TDRD3: variants seen among roughly 807,000 people sequenced by gnomAD.
The protein encoded by TDRD3 is tudor domain containing 3, also known as tudor domain-containing protein 3.
Under a neutral mutation model 86.7 loss-of-function variants are expected in TDRD3, and 45 were observed. The observed-to-expected ratio is 0.52, with a 90% CI of 0.41 to 0.67. The LOEUF is 0.67. Among genes scored for constraint, TDRD3 ranks in the 30% least tolerant of loss-of-function variants. The pLI is 0.00. For synonymous variants in TDRD3, 298 were observed against 301.7 expected (o/e 0.99, Z 0.13); for missense variants, 814 against 889.0 (o/e 0.92, Z 1.07).
At chr13:60,563,937 C>T (rs1363537803) in intron 12 of TDRD3, among the ~76,000 whole-genome samples, 1 of 152,194 alleles carries the variant, frequency 6.6e-6, no homozygotes, top group East Asian at 1.9e-4. Flanking sequence ...TTGTCAAACG[C>T]ACATTATAGA....
chr13:60,423,774 T>C (rs1954723459), intron 1 of TDRD3, among the ~76,000 whole-genome samples: 1 of 152,144 alleles, frequency 6.6e-6, no homozygotes, highest in Admixed American at 6.5e-5. Context: ...TATATCATAA[T>C]TTATGTGGTA....
intron 3 of TDRD3, among the ~76,000 whole-genome samples, chr13:60,450,142 G>A (rs1955502469): frequency 6.6e-6 from 1 of 152,062 alleles, no homozygotes; most frequent in Admixed American, 6.6e-5. Flanking sequence ...TTAGAGATAA[G>A]AGAATTGCAC....
At chr13:60,506,756 CA>C (rs1026321721) in intron 8 of TDRD3, among the ~76,000 whole-genome samples, 3 of 151,202 alleles carry the variant, frequency 2.0e-5, no homozygotes, top group African/African-American at 7.3e-5. Context: ...AACAAACAAA[CA>C]AAAAAAAGAA....
At chr13:60,512,463 A>G (rs948817207) in intron 10 of TDRD3, among the ~76,000 whole-genome samples, 4 of 152,204 alleles carry the variant, frequency 2.6e-5, no homozygotes, top group Non-Finnish European at 5.9e-5. Flanking sequence ...AACTCATTTC[A>G]GCATTAACTT....
intron 1 of TDRD3, among the ~76,000 whole-genome samples, chr13:60,414,613 T>C (rs1432008465): frequency 6.6e-6 from 1 of 152,134 alleles, no homozygotes; most frequent in East Asian, 1.9e-4. Context: ...CCACAATCCT[T>C]GTTCTTATCC....
chr13:60,569,374 A>G (rs1958532982), intron 13 of TDRD3, among the ~76,000 whole-genome samples: 1 of 152,184 alleles, frequency 6.6e-6, no homozygotes. Context: ...AAGAAGTGAA[A>G]GATCTCTACA....
At chr13:60,529,962 T>G (rs1957541492) in intron 11 of TDRD3, among the ~76,000 whole-genome samples, 1 of 151,976 alleles carries the variant, frequency 6.6e-6, no homozygotes, top group African/African-American at 2.4e-5. Context: ...ACTTTGCACA[T>G]TTTTTTCCTT....
chr13:60,570,832 T>C (rs894343216), intron 13 of TDRD3, among the ~76,000 whole-genome samples: 5 of 152,190 alleles, frequency 3.3e-5, no homozygotes, highest in Non-Finnish European at 7.3e-5. Context: ...TCATATATTT[T>C]ATATACTAGG....
intron 7 of TDRD3, among the ~76,000 whole-genome samples, chr13:60,493,353 T>C (rs1956640521): frequency 6.6e-6 from 1 of 152,166 alleles, no homozygotes; most frequent in Non-Finnish European, 1.5e-5. Flanking sequence ...CTTCTTTTAT[T>C]ATATCCATGA....
chr13:60,563,453 A>T (rs1233568894), intron 12 of TDRD3, among the ~76,000 whole-genome samples: 5 of 152,128 alleles, frequency 3.3e-5, no homozygotes, highest in Non-Finnish European at 5.9e-5. Context: ...GGCTGCTCTG[A>T]TACTTAGGAG....
chr13:60,494,122 A>C (rs1956662405), intron 7 of TDRD3, among the ~76,000 whole-genome samples: 1 of 152,170 alleles, frequency 6.6e-6, no homozygotes, highest in African/African-American at 2.4e-5. Context: ...TTACCCTAAA[A>C]TCATTTTAAC....
chr13:60,401,556 G>A (rs1221456354), intron 1 of TDRD3, among the ~76,000 whole-genome samples: 1 of 152,154 alleles, frequency 6.6e-6, no homozygotes, highest in East Asian at 1.9e-4. Flanking sequence ...AGTAGTTTGA[G>A]TTGAAGACCC....
At chr13:60,565,355 G>A (rs1239439329) in intron 12 of TDRD3, among the ~76,000 whole-genome samples, 2 of 151,900 alleles carry the variant, frequency 1.3e-5, no homozygotes, top group Non-Finnish European at 2.9e-5. Context: ...GCGCCCGGCC[G>A]TCAGTATCTT....
intron 8 of TDRD3, among the ~76,000 whole-genome samples, chr13:60,496,287 C>CTATATA (rs1956711014): frequency 1.7e-5 from 1 of 57,498 alleles, no homozygotes; most frequent in Non-Finnish European, 3.1e-5. Context: ...TAACAAACTC[C>CTATATA]CATATATATA....
At chr13:60,562,164 T>C (rs1252446918) in intron 12 of TDRD3, among the ~76,000 whole-genome samples, 1 of 151,740 alleles carries the variant, frequency 6.6e-6, no homozygotes, top group Non-Finnish European at 1.5e-5. Flanking sequence ...TATAAAAAAA[T>C]TATCTGGGTT....
rs753733579 is a variant in TDRD3 at position 60,485,797 on chromosome 13, A to G, written c.568-2A>G. 2 of 1,581,660 alleles carry G rather than the reference A, an allele frequency of 1.3e-6. No individual in the cohort carries two copies. Among genetic ancestry groups the G allele is most frequent in the South Asian group, 2.4e-5 (2 of 84,598 alleles). On this transcript the variant is annotated splice_acceptor_variant, in intron 6 of 13. Coordinates refer to ENST00000377881, the MANE Select transcript of TDRD3 (RefSeq NM_001146070.2). LOFTEE classifies it high-confidence loss of function. ...TTGACTTATTCTTACTTGTTTTACT[A>G]GAAGTGTGTATCTCATGTCCAAGTG... is the stretch of plus-strand genomic sequence containing the variant.
At chr13:60,462,461 C>G (rs74078472) in intron 4 of TDRD3, among the ~76,000 whole-genome samples, 2,689 of 152,246 alleles carry the variant, frequency 0.018, 79 homozygotes, top group African/African-American at 0.062. Context: ...GTAAAAATGG[C>G]AGCTGACAAA....
At chr13:60,538,595 A>T (rs1333236874) in intron 12 of TDRD3, among the ~76,000 whole-genome samples, 2 of 152,130 alleles carry the variant, frequency 1.3e-5, no homozygotes. Flanking sequence ...ATGTTTCACT[A>T]GTAAAATTAT....
intron 1 of TDRD3, among the ~76,000 whole-genome samples, chr13:60,431,789 G>A (rs1210080840): frequency 6.7e-6 from 1 of 149,520 alleles, no homozygotes; most frequent in Non-Finnish European, 1.5e-5. Flanking sequence ...AAAAAATAAT[G>A]CATATTAATA....
Sources: allele counts gnomAD v4.1 joint callset (sites outside exome capture counted in the v4.1 genomes callset), GRCh38; gene constraint gnomAD v4.1.1; transcripts MANE v1.5; gene names NCBI Gene and HGNC (gene_info 2026-07-23, HGNC 2026-07-21).